ST3GAL3: variants seen among roughly 807,000 people sequenced by gnomAD.
The protein encoded by ST3GAL3 is CMP-N-acetylneuraminate-beta-1,4-galactoside alpha-2,3-sialyltransferase.
ST3GAL3 carries 21 observed loss-of-function variants against 50.1 expected under a neutral mutation model. The ratio of observed to expected loss-of-function variants is 0.42; its 90% confidence interval spans 0.30 to 0.60. The LOEUF (loss-of-function observed/expected upper bound fraction) is 0.60. ST3GAL3 is among the 20% of genes least tolerant of loss of function. The pLI is 0.19. For missense variants in ST3GAL3, 353 were observed against 489.4 expected (o/e 0.72, Z 2.63); for synonymous variants, 183 against 190.0 (o/e 0.96, Z 0.30).
chr1:43,911,446 T>G (rs2080817954), intron 9 of ST3GAL3, among the ~76,000 whole-genome samples: 1 of 151,524 alleles, frequency 6.6e-6, no homozygotes, highest in African/African-American at 2.4e-5. Context: ...GGGTCAGGAT[T>G]CCAAATTCAA....
intron 1 of ST3GAL3, among the ~76,000 whole-genome samples, chr1:43,728,040 T>C (rs1673809805): frequency 6.6e-6 from 1 of 152,060 alleles, no homozygotes; most frequent in East Asian, 1.9e-4. Context: ...CCCCATCTAG[T>C]AGTCTCCAGT....
At chr1:43,739,311 C>A (rs989978645) in intron 2 of ST3GAL3, 1 of 150,808 alleles carries the variant, frequency 6.6e-6, no homozygotes, top group African/African-American at 2.4e-5. Flanking sequence ...CAGCTTCAAC[C>A]TCCTGGGCTT....
chr1:43,842,311 C>A (rs1465755385), intron 5 of ST3GAL3: 2 of 152,102 alleles, frequency 1.3e-5, no homozygotes, highest in Non-Finnish European at 2.9e-5. Flanking sequence ...TCTAACAATA[C>A]CCTACTCCTG....
At chr1:43,784,699 A>G (rs1332512600) in intron 2 of ST3GAL3, among the ~76,000 whole-genome samples, 1 of 152,242 alleles carries the variant, frequency 6.6e-6, no homozygotes, top group Non-Finnish European at 1.5e-5. Context: ...GGTAAGTTAA[A>G]TTAATGAAAG....
At chr1:43,809,127 C>T (rs1345675703) in intron 3 of ST3GAL3, among the ~76,000 whole-genome samples, 1 of 151,846 alleles carries the variant, frequency 6.6e-6, no homozygotes, top group East Asian at 1.9e-4. Context: ...CATGAAAATA[C>T]AACCTATAAA....
intron 5 of ST3GAL3, chr1:43,850,658 A>G: frequency 2.7e-6 from 2 of 732,688 alleles, no homozygotes; most frequent in Non-Finnish European, 2.5e-6. Context: ...CTTTGATTGA[A>G]TGGAGATCCA....
intron 5 of ST3GAL3, among the ~76,000 whole-genome samples, chr1:43,882,411 A>G (rs1236499975): frequency 6.6e-6 from 1 of 152,150 alleles, no homozygotes; most frequent in Non-Finnish European, 1.5e-5. Flanking sequence ...GAAGAGCTTA[A>G]CCTTTACCTT....
chr1:43,790,286 A>T (rs1311128914), intron 2 of ST3GAL3, among the ~76,000 whole-genome samples: 1 of 152,194 alleles, frequency 6.6e-6, no homozygotes, highest in African/African-American at 2.4e-5. Flanking sequence ...AACAGATGTT[A>T]TGTACAGTTA....
At chr1:43,771,824 G>T in intron 2 of ST3GAL3, 1 of 388,322 alleles carries the variant, frequency 2.6e-6, no homozygotes, top group Non-Finnish European at 4.5e-6. Flanking sequence ...TGCTTATAGT[G>T]TTAATTTGAG....
chr1:43,775,939 C>A (rs1697073867), intron 2 of ST3GAL3, among the ~76,000 whole-genome samples: 1 of 152,162 alleles, frequency 6.6e-6, no homozygotes, highest in Non-Finnish European at 1.5e-5. Flanking sequence ...CCACAGTCAG[C>A]CTCCATTGAC....
At chr1:43,814,164 A>T (rs1205701456) in intron 3 of ST3GAL3, among the ~76,000 whole-genome samples, 1 of 152,170 alleles carries the variant, frequency 6.6e-6, no homozygotes, top group Non-Finnish European at 1.5e-5. Flanking sequence ...TCCTCCAGCA[A>T]GCACACAGAG....
At chr1:43,901,363 C>T (rs1218937306) in intron 9 of ST3GAL3, among the ~76,000 whole-genome samples, 1 of 152,210 alleles carries the variant, frequency 6.6e-6, no homozygotes, top group Non-Finnish European at 1.5e-5. Flanking sequence ...TTGGCTCAAA[C>T]ACCAGTTCCT....
At chr1:43,906,834 GTTA>G (rs2079860760) in intron 9 of ST3GAL3, among the ~76,000 whole-genome samples, 1 of 152,198 alleles carries the variant, frequency 6.6e-6, no homozygotes, top group African/African-American at 2.4e-5. Context: ...GCTAGGTACT[GTTA>G]TTATCCCCAT....
At chr1:43,873,146 G>A (rs1385749005) in intron 5 of ST3GAL3, among the ~76,000 whole-genome samples, 3 of 152,198 alleles carry the variant, frequency 2.0e-5, no homozygotes, top group African/African-American at 4.8e-5. Flanking sequence ...AGAATAGACT[G>A]TTGCAAGGCA....
At chr1:43,874,480 T>C (rs1405164670) in intron 5 of ST3GAL3, among the ~76,000 whole-genome samples, 1 of 152,210 alleles carries the variant, frequency 6.6e-6, no homozygotes, top group African/African-American at 2.4e-5. Context: ...TATGAATGTT[T>C]TTCATAATGT....
intron 5 of ST3GAL3, among the ~76,000 whole-genome samples, chr1:43,893,533 C>T (rs61770287): frequency 0.094 from 14,260 of 152,242 alleles, 888 homozygotes; most frequent in South Asian, 0.23. Context: ...CTCTTCCTCA[C>T]TTCCCTTCCC....
Position 43,812,878 on chromosome 1 carries a change from T to C in ST3GAL3, c.167-2013T>C, listed in dbSNP as rs74577850. On this transcript the variant is annotated intron_variant, in intron 3 of 11. Coordinates refer to ENST00000347631, the MANE Select transcript of ST3GAL3 (RefSeq NM_006279.5). ...AGAAATTTAATATGCAGTGTGTGCG[T>C]GTGTGTGTGTGTGTGAAACAAAACA... Among the ~76,000 whole-genome samples the C allele has an allele frequency of 2.7e-3, 406 of 151,254 alleles. 1 individual carries two copies. The highest frequency in any genetic ancestry group is 9.5e-3 in the African/African-American group (391 of 41,152).
intron 9 of ST3GAL3, 61 bp from the exon 10 acceptor site, chr1:43,920,343 C>T (rs2082814125): frequency 6.2e-7 from 1 of 1,611,674 alleles, no homozygotes; most frequent in Admixed American, 1.7e-5. Context: ...GTCCCTGCCA[C>T]TCCCCTAGGC....
intron 2 of ST3GAL3, among the ~76,000 whole-genome samples, chr1:43,780,665 A>G (rs1699066574): frequency 6.6e-6 from 1 of 151,562 alleles, no homozygotes; most frequent in Non-Finnish European, 1.5e-5. Flanking sequence ...TCCCTTTTCC[A>G]GGTCCTTTTT....
Sources: gnomAD v4.1 joint callset for allele counts (sites outside exome capture counted in the v4.1 genomes callset) on GRCh38, gnomAD v4.1.1 for gene constraint, MANE v1.5 for transcripts, NCBI Gene and HGNC (gene_info 2026-07-23, HGNC 2026-07-21) for gene names.